CTNNA3: variants seen among roughly 807,000 people sequenced by gnomAD.
CTNNA3 encodes the protein catenin alpha 3.
Under a neutral mutation model 95.7 loss-of-function variants are expected in CTNNA3, and 76 were observed. The ratio of observed to expected loss-of-function variants is 0.79; its 90% CI spans 0.66 to 0.96. The LOEUF is 0.96. CTNNA3 is among the 40% of genes least tolerant of loss of function. The pLI, the probability that CTNNA3 is intolerant of heterozygous loss-of-function variation, is 0.00. For synonymous variants in CTNNA3, 431 were observed against 374.4 expected (o/e 1.15, Z -1.74); for missense variants, 1,191 against 1,089.8 (o/e 1.09, Z -1.31).
At chr10:66,602,477 G>A (rs2132261340) in intron 10 of CTNNA3, among the ~76,000 whole-genome samples, 1 of 151,810 alleles carries the variant, frequency 6.6e-6, no homozygotes, top group Non-Finnish European at 1.5e-5. Flanking sequence ...ATCAGTGAAA[G>A]CTCATACTAA....
At chr10:66,826,702 T>A (rs117158570) in intron 7 of CTNNA3, among the ~76,000 whole-genome samples, 19 of 152,296 alleles carry the variant, frequency 1.2e-4, no homozygotes, top group Non-Finnish European at 1.8e-4. Flanking sequence ...CTCATTAATC[T>A]ACTAAAAACT....
intron 7 of CTNNA3, among the ~76,000 whole-genome samples, chr10:67,044,695 T>G (rs1457207131): frequency 1.3e-5 from 2 of 152,182 alleles, no homozygotes; most frequent in Non-Finnish European, 2.9e-5. Flanking sequence ...ACTTGCACCT[T>G]TTTTTAAAAG....
At chr10:67,583,485 C>G (rs559146262) in intron 3 of CTNNA3, among the ~76,000 whole-genome samples, 2 of 152,214 alleles carry the variant, frequency 1.3e-5, no homozygotes, top group African/African-American at 4.8e-5. Context: ...TCTGGCTGCC[C>G]TTAACATTTT....
chr10:66,792,156 CT>C (rs1195352929), intron 7 of CTNNA3, among the ~76,000 whole-genome samples: 1 of 152,040 alleles, frequency 6.6e-6, no homozygotes, highest in Non-Finnish European at 1.5e-5. Context: ...TAACATTTAC[CT>C]TGTAAAAGAA....
At chr10:66,587,540 G>A (rs1300968485) in intron 10 of CTNNA3, among the ~76,000 whole-genome samples, 4 of 152,102 alleles carry the variant, frequency 2.6e-5, no homozygotes, top group Non-Finnish European at 4.4e-5. Flanking sequence ...CCTTGCTCTG[G>A]CTCCTCACAT....
intron 11 of CTNNA3, among the ~76,000 whole-genome samples, chr10:66,440,954 C>A (rs543552344): frequency 4.2e-5 from 6 of 144,054 alleles, no homozygotes; most frequent in Non-Finnish European, 9.0e-5. Context: ...GATTTTATTC[C>A]ATTTTTCTCA....
intron 9 of CTNNA3, among the ~76,000 whole-genome samples, chr10:66,647,478 G>C (rs2132400620): frequency 6.6e-6 from 1 of 151,434 alleles, no homozygotes; most frequent in South Asian, 2.1e-4. Flanking sequence ...TAATTTTGAA[G>C]AATAGCAGAG....
chr10:65,966,915 A>G (rs2077980161), intron 16 of CTNNA3, among the ~76,000 whole-genome samples, 169 bp from the exon 17 acceptor site: 1 of 152,162 alleles, frequency 6.6e-6, no homozygotes, highest in Non-Finnish European at 1.5e-5. Flanking sequence ...TAGTTCATTC[A>G]TTTTGCAACC....
rs947134726 is a variant in CTNNA3, at chr10:66,378,356, T to C, written c.1732+796A>G. 2.0e-5 allele frequency among the ~76,000 whole-genome samples: 3 copies of C among 151,982 alleles called. 1 individual carries two copies. Among genetic ancestry groups the C allele is most frequent in the African/African-American group, 7.3e-5 (3 of 41,250 alleles). Reference sequence around the variant, plus strand: ...TTTCAAATATTTTAGGAATCACAGATGCACCATCACCCTAGTGTGAGGAGG... The same window carrying C: ...TTTCAAATATTTTAGGAATCACAGACGCACCATCACCCTAGTGTGAGGAGG... On this transcript the variant is annotated intron_variant, in intron 12 of 17. Transcript: ENST00000433211.
chr10:67,092,626 C>G (rs1857722362), intron 7 of CTNNA3, among the ~76,000 whole-genome samples: 1 of 151,900 alleles, frequency 6.6e-6, no homozygotes, highest in South Asian at 2.1e-4. Flanking sequence ...TTAATCACAA[C>G]TTAGAAACTT....
chr10:65,927,919 A>G (rs1036843757), intron 17 of CTNNA3, among the ~76,000 whole-genome samples: 3 of 152,174 alleles, frequency 2.0e-5, no homozygotes, highest in African/African-American at 7.2e-5. Context: ...CCAGCAATGT[A>G]TGAGCATTAT....
chr10:66,233,169 A>G (rs2089677655), intron 13 of CTNNA3, among the ~76,000 whole-genome samples: 2 of 117,914 alleles, frequency 1.7e-5, no homozygotes, highest in Non-Finnish European at 3.7e-5. Flanking sequence ...CAAAAAAAAA[A>G]AAAAAAAAAA....
intron 13 of CTNNA3, among the ~76,000 whole-genome samples, chr10:66,273,666 G>A (rs562130245): frequency 1.2e-3 from 190 of 152,176 alleles, no homozygotes; most frequent in Non-Finnish European, 2.1e-3. Flanking sequence ...ATATCAAAAG[G>A]AATGTAAAAA....
At chr10:66,215,008 T>C (rs1348026343) in intron 13 of CTNNA3, among the ~76,000 whole-genome samples, 1 of 151,840 alleles carries the variant, frequency 6.6e-6, no homozygotes. Flanking sequence ...GATGCATAGA[T>C]AGATAGATAT....
intron 13 of CTNNA3, among the ~76,000 whole-genome samples, chr10:66,112,245 C>T (rs550284239): frequency 1.3e-5 from 2 of 152,094 alleles, no homozygotes; most frequent in African/African-American, 2.4e-5. Context: ...AAGTGTCTAA[C>T]GGTGCCTGGC....
At chr10:67,528,017 T>C (rs1840202291) in intron 4 of CTNNA3, among the ~76,000 whole-genome samples, 1 of 152,230 alleles carries the variant, frequency 6.6e-6, no homozygotes, top group Non-Finnish European at 1.5e-5. Flanking sequence ...AGTTTCAATA[T>C]AAAATCATTA....
At position 66,270,195 on chromosome 10, in the gene CTNNA3, T is replaced by C. The variant is rs146307944; in HGVS notation, c.1884+10275A>G. ...AATTTGGAAACCAAATCAACCACTT[T>C]ATTTAATGCAGAACACTATAACATT... On this transcript the variant is annotated intron_variant, in intron 13 of 17. Transcript: ENST00000433211. 2.1e-3 allele frequency among the ~76,000 whole-genome samples: 308 copies of C among 146,020 alleles called. 2 individuals are homozygous for C. The highest frequency in any genetic ancestry group is 7.4e-3 in the African/African-American group (293 of 39,852).
intron 7 of CTNNA3, among the ~76,000 whole-genome samples, chr10:66,949,528 A>G (rs1848432659): frequency 6.6e-6 from 1 of 151,540 alleles, no homozygotes; most frequent in Non-Finnish European, 1.5e-5. Flanking sequence ...ATTGGACTCC[A>G]TCCTGGGCAA....
At chr10:67,031,427 A>G (rs1472178945) in intron 7 of CTNNA3, among the ~76,000 whole-genome samples, 1 of 152,204 alleles carries the variant, frequency 6.6e-6, no homozygotes, top group Non-Finnish European at 1.5e-5. Flanking sequence ...TCTACTATAC[A>G]TTGTGCTTAT....
Sources: gnomAD v4.1 joint callset for allele counts (sites outside exome capture counted in the v4.1 genomes callset) on GRCh38, gnomAD v4.1.1 for gene constraint, MANE v1.5 for transcripts, NCBI Gene and HGNC (gene_info 2026-07-23, HGNC 2026-07-21) for gene names.